The following GPD2 variants were observed in gnomAD, a reference collection of about 807,000 sequenced individuals.
GPD2 encodes glycerol-3-phosphate dehydrogenase 2, also known as glycerol-3-phosphate dehydrogenase, mitochondrial.
Under a neutral mutation model 82.4 loss-of-function variants are expected in GPD2, and 54 were observed. The ratio of observed to expected loss-of-function variants is 0.66; its 90% CI spans 0.53 to 0.82. GPD2 has a LOEUF of 0.82. Among genes scored for constraint, GPD2 ranks in the 40% least tolerant of loss-of-function variants. GPD2 has a pLI of 0.00. For missense variants in GPD2, 748 were observed against 896.2 expected, an observed-to-expected ratio of 0.83 and a Z score of 2.11; for synonymous variants, 288 against 306.1, an observed-to-expected ratio of 0.94 and a Z score of 0.62.
At chr2:156,539,561 T>C (rs1254710067) in intron 6 of GPD2, among the ~76,000 whole-genome samples, 1 of 152,150 alleles carries the variant, frequency 6.6e-6, no homozygotes. Flanking sequence ...GGTACAAGAC[T>C]TACCATGAAA....
At chr2:156,429,414 A>G in the GPD2 span, among the ~76,000 whole-genome samples, 61 of 152,354 alleles carry the variant, frequency 4.0e-4, no homozygotes, top group Non-Finnish European at 7.9e-4. Flanking sequence ...ATAGGTGGCT[A>G]TGTTCCAGAG....
At chr2:156,412,811 T>C in the GPD2 span, among the ~76,000 whole-genome samples, 1 of 152,318 alleles carries the variant, frequency 6.6e-6, no homozygotes, top group African/African-American at 2.4e-5. Context: ...AAAACTATGA[T>C]GCCAGGAGCA....
At chr2:156,463,587 A>G (rs1683058652) in intron 1 of GPD2, among the ~76,000 whole-genome samples, 1 of 152,238 alleles carries the variant, frequency 6.6e-6, no homozygotes, top group Admixed American at 6.5e-5. Flanking sequence ...TAGCTCATAT[A>G]TAGTTGGAGT....
intron 10 of GPD2, 117 bp downstream of exon 10, chr2:156,569,076 A>T: frequency 5.9e-6 from 5 of 841,722 alleles, no homozygotes; most frequent in Non-Finnish European, 7.7e-6. Context: ...TGATTCTCCC[A>T]CCTCAGCCTC....
intron 9 of GPD2, among the ~76,000 whole-genome samples, 161 bp from the exon 10 acceptor site, chr2:156,568,664 G>A (rs1687478800): frequency 6.6e-6 from 1 of 151,872 alleles, no homozygotes; most frequent in Non-Finnish European, 1.5e-5. Context: ...AGTTTTTCTT[G>A]TACCTATCCA....
chr2:156,479,244 C>T (rs1024090174), intron 2 of GPD2, among the ~76,000 whole-genome samples: 1 of 152,102 alleles, frequency 6.6e-6, no homozygotes, highest in Non-Finnish European at 1.5e-5. Flanking sequence ...AAACATAAGA[C>T]AGATTGAAAT....
intron 1 of GPD2, among the ~76,000 whole-genome samples, chr2:156,466,937 G>T (rs1310205613): frequency 6.6e-6 from 1 of 152,192 alleles, no homozygotes; most frequent in African/African-American, 2.4e-5. Flanking sequence ...TTGAGGCTGA[G>T]AAGTGGTCCT....
At chr2:156,435,280 T>C (rs1688392253), upstream of GPD2, 3 of 152,132 alleles carry the variant, frequency 2.0e-5, no homozygotes, top group South Asian at 6.2e-4. Flanking sequence ...AATACCACGA[T>C]AGAAAGGTTA....
chr2:156,532,107 A>G (rs1186516122), intron 6 of GPD2, among the ~76,000 whole-genome samples: 3 of 152,078 alleles, frequency 2.0e-5, no homozygotes, highest in Admixed American at 6.6e-5. Context: ...AGTTTAAGCA[A>G]ATCTCCTCAG....
chr2:156,464,693 TA>T (rs1039337113), intron 1 of GPD2, among the ~76,000 whole-genome samples: 1 of 152,180 alleles, frequency 6.6e-6, no homozygotes, highest in African/African-American at 2.4e-5. Context: ...TAACTGAAGT[TA>T]TTGTGCTATA....
intron 16 of GPD2, among the ~76,000 whole-genome samples, chr2:156,581,305 A>T (rs573043576): frequency 6.6e-6 from 1 of 151,796 alleles, no homozygotes; most frequent in Non-Finnish European, 1.5e-5. Context: ...TTCACACCCA[A>T]ATGTTATTTT....
intron 1 of GPD2, among the ~76,000 whole-genome samples, chr2:156,460,558 G>C (rs994999139): frequency 3.1e-4 from 47 of 152,190 alleles, no homozygotes; most frequent in African/African-American, 1.1e-3. Context: ...TAGTTGGTGG[G>C]AAATGTTCTG....
intron 9 of GPD2, among the ~76,000 whole-genome samples, chr2:156,565,260 C>T (rs965561570): frequency 2.0e-5 from 3 of 152,106 alleles, no homozygotes; most frequent in Non-Finnish European, 2.9e-5. Flanking sequence ...ACCACAATGA[C>T]GTTGTAAGCG....
At chr2:156,562,114 A>G (rs7570567) in intron 9 of GPD2, among the ~76,000 whole-genome samples, 106,477 of 152,142 alleles carry the variant, frequency 0.7, 37,410 homozygotes, top group Middle Eastern at 0.82. Context: ...AAACTAAGCT[A>G]TGACTTAACA....
chr2:156,459,023 A>ATG (rs1400130619), intron 1 of GPD2, among the ~76,000 whole-genome samples: 3 of 151,336 alleles, frequency 2.0e-5, no homozygotes, highest in Non-Finnish European at 4.4e-5. Flanking sequence ...ATATATATAT[A>ATG]TATACACACA....
At chr2:156,499,741 T>G (rs1438203775) in intron 3 of GPD2, among the ~76,000 whole-genome samples, 5 of 151,930 alleles carry the variant, frequency 3.3e-5, no homozygotes, top group Non-Finnish European at 5.9e-5. Flanking sequence ...TATTTTCATT[T>G]AATAACTTTA....
chr2:156,426,015 C>G, the GPD2 span, among the ~76,000 whole-genome samples: 11 of 151,900 alleles, frequency 7.2e-5, 1 homozygote, highest in South Asian at 2.3e-3. Flanking sequence ...CTCCGCCTCC[C>G]CGGTTCACGC....
At chr2:156,443,374 G>A (rs1432717785) in intron 1 of GPD2, among the ~76,000 whole-genome samples, 1 of 152,158 alleles carries the variant, frequency 6.6e-6, no homozygotes, top group Non-Finnish European at 1.5e-5. Flanking sequence ...TGCCTTTCAT[G>A]TGGGTGACAC....
intron 6 of GPD2, among the ~76,000 whole-genome samples, chr2:156,522,299 A>G (rs1164886472): frequency 6.6e-6 from 1 of 152,192 alleles, no homozygotes; most frequent in African/African-American, 2.4e-5. Context: ...AGATTTGATC[A>G]GGTATAGCAA....
Sources: allele counts gnomAD v4.1 joint callset (sites outside exome capture counted in the v4.1 genomes callset), GRCh38; gene constraint gnomAD v4.1.1; transcripts MANE v1.5; gene names NCBI Gene and HGNC (gene_info 2026-07-23, HGNC 2026-07-21).